The following NBEA variants were observed in gnomAD, a reference collection of about 807,000 sequenced individuals.
NBEA encodes neurobeachin.
A neutral mutation model predicts 343.4 loss-of-function variants in NBEA; 44 were observed. The ratio of observed to expected loss-of-function variants is 0.13; its 90% CI spans 0.10 to 0.16. NBEA has a LOEUF of 0.16. Ranked by LOEUF, NBEA falls within the 10% of genes least tolerant of loss-of-function variation. The probability of loss-of-function intolerance (pLI) is 1.00; values close to 1 mark genes in which losing one functional copy is unlikely to be tolerated. For missense variants in NBEA, 2,555 were observed against 3,631.3 expected (o/e 0.70, Z 7.62); for synonymous variants, 1,175 against 1,238.7 (o/e 0.95, Z 1.08).
At chr13:35,272,557 T>C (rs985117267) in intron 34 of NBEA, among the ~76,000 whole-genome samples, 1 of 152,052 alleles carries the variant, frequency 6.6e-6, no homozygotes, top group African/African-American at 2.4e-5. Context: ...AGACACAGAC[T>C]GGCAAATTGG....
chr13:35,009,228 ACT>A (rs1406306369), intron 1 of NBEA, among the ~76,000 whole-genome samples: 2 of 152,162 alleles, frequency 1.3e-5, no homozygotes, highest in African/African-American at 4.8e-5. Flanking sequence ...AAGCAACAAA[ACT>A]CTCTACTCTC....
At chr13:35,566,353 A>G (rs1255293427) in intron 44 of NBEA, among the ~76,000 whole-genome samples, 5 of 148,340 alleles carry the variant, frequency 3.4e-5, no homozygotes, top group Non-Finnish European at 4.5e-5. Flanking sequence ...AGAGGGAGAC[A>G]CCATCTCAAA....
intron 38 of NBEA, among the ~76,000 whole-genome samples, chr13:35,400,335 A>T (rs1942787058): frequency 6.6e-6 from 1 of 151,796 alleles, no homozygotes; most frequent in South Asian, 2.1e-4. Flanking sequence ...TTATCTATGA[A>T]ATTTGGGTAT....
rs2059062128 is a variant in NBEA, at chr13:34,942,595, G to C, written c.-226G>C. On this transcript the variant is annotated 5_prime_UTR_variant, in exon 1 of 59. Coordinates refer to ENST00000379939, the MANE Select transcript of NBEA (RefSeq NM_001385012.1). ...GCCGCTTGCCCGGCAGCGGTTAGCG[G>C]TACCGCCACCGCCGAGAATAAGCCT... 7.2e-6 allele frequency: 2 copies of C among 275,964 alleles called. No homozygotes were observed. The highest frequency in any genetic ancestry group is 6.5e-5 in the East Asian group (1 of 15,406). 17.1% of individuals were successfully genotyped at this position (275,964 alleles called of 1,614,324 possible). A position where few individuals can be genotyped will look rare whatever the true frequency, so the allele number is the denominator to read the frequency against.
At chr13:34,995,061 C>A (rs2060890896) in intron 1 of NBEA, among the ~76,000 whole-genome samples, 1 of 152,148 alleles carries the variant, frequency 6.6e-6, no homozygotes, top group African/African-American at 2.4e-5. Context: ...TCTCTCTGCC[C>A]CGACCTTCTG....
At chr13:35,124,620 A>G (rs1359642197) in intron 17 of NBEA, among the ~76,000 whole-genome samples, 2 of 144,482 alleles carry the variant, frequency 1.4e-5, no homozygotes, top group Non-Finnish European at 3.1e-5. Context: ...ATACATATAT[A>G]TGGATATACA....
chr13:35,023,484 G>A (rs918718402), intron 1 of NBEA, among the ~76,000 whole-genome samples: 4 of 151,968 alleles, frequency 2.6e-5, no homozygotes, highest in Admixed American at 6.6e-5. Context: ...AGCTATAGTA[G>A]ATCCTATAAA....
intron 6 of NBEA, among the ~76,000 whole-genome samples, chr13:35,051,777 A>G (rs2063073497): frequency 6.6e-6 from 1 of 152,062 alleles, no homozygotes; most frequent in African/African-American, 2.4e-5. Context: ...GGAATAGATT[A>G]GAAGTACAGT....
At chr13:35,444,774 C>T (rs185264246) in intron 39 of NBEA, among the ~76,000 whole-genome samples, 2 of 152,160 alleles carry the variant, frequency 1.3e-5, no homozygotes, top group African/African-American at 2.4e-5. Flanking sequence ...AGATACTAAA[C>T]ATATTTATAT....
At chr13:34,969,770 CG>C (rs1412963992) in intron 1 of NBEA, among the ~76,000 whole-genome samples, 11 of 150,074 alleles carry the variant, frequency 7.3e-5, no homozygotes, top group East Asian at 3.9e-4. Context: ...ATATATACCA[CG>C]TTTTTTTTTT....
At chr13:35,076,190 G>C (rs2064109289) in intron 10 of NBEA, among the ~76,000 whole-genome samples, 2 of 151,690 alleles carry the variant, frequency 1.3e-5, no homozygotes, top group Admixed American at 6.6e-5. Context: ...AGGTTTTTCG[G>C]AAAGAATATA....
At chr13:35,235,089 G>A (rs1292445765) in intron 34 of NBEA, among the ~76,000 whole-genome samples, 2 of 152,062 alleles carry the variant, frequency 1.3e-5, no homozygotes, top group Non-Finnish European at 2.9e-5. Flanking sequence ...ACCTTCCAAA[G>A]TAGCCTAAAT....
intron 10 of NBEA, among the ~76,000 whole-genome samples, chr13:35,083,812 G>GT (rs1250649548): frequency 2.0e-5 from 3 of 152,074 alleles, no homozygotes; most frequent in East Asian, 3.9e-4. Flanking sequence ...ACCCATCAGT[G>GT]TGCTGTATTC....
chr13:34,977,337 C>CT (rs2060214044), intron 1 of NBEA, among the ~76,000 whole-genome samples: 1 of 148,350 alleles, frequency 6.7e-6, no homozygotes, highest in Non-Finnish European at 1.5e-5. Context: ...GAGATGGAGT[C>CT]TGTCTCTGTC....
In NBEA at chr13:35,322,515, G is replaced by T. The variant is rs192166379; in HGVS notation, c.5903+12923G>T. On this transcript the variant is annotated intron_variant, in intron 36 of 58. Transcript: ENST00000379939. ...TCAGTTGGAAATGCAGAAATCAACC[G>T]CCTTCTGGGTTTATCTCGCTAGGAG... is the stretch of plus-strand genomic sequence containing the variant. Among the ~76,000 whole-genome samples the T allele has an allele frequency of 2.1e-4, 32 of 152,256 alleles. No homozygotes were observed. The East Asian group carries it at 6.2e-3, about 30-fold the overall frequency.
intron 10 of NBEA, among the ~76,000 whole-genome samples, chr13:35,081,524 C>G (rs1284018315): frequency 6.6e-6 from 1 of 150,936 alleles, no homozygotes; most frequent in Non-Finnish European, 1.5e-5. Flanking sequence ...TCAAGATGGG[C>G]AAGCTTTTTT....
At chr13:35,100,770 G>A (rs116868629) in intron 11 of NBEA, among the ~76,000 whole-genome samples, 6,936 of 151,854 alleles carry the variant, frequency 0.046, 236 homozygotes, top group Non-Finnish European at 0.067. Flanking sequence ...CCTAGATTTC[G>A]AATAAGATTA....
At chr13:35,450,895 A>C (rs1443708998) in intron 39 of NBEA, among the ~76,000 whole-genome samples, 1 of 152,204 alleles carries the variant, frequency 6.6e-6, no homozygotes, top group Non-Finnish European at 1.5e-5. Flanking sequence ...TGGTGTATGC[A>C]TGTATAAAAT....
rs1045676423 is a variant in NBEA at position 35,056,194 on chromosome 13, G to A, written c.1092+65G>A. 5 of 1,267,188 alleles carry A rather than the reference G, an allele frequency of 3.9e-6. No homozygotes were observed. In the African/African-American group the frequency reaches 4.6e-5, roughly 12 times the overall value. 78.5% of individuals were successfully genotyped at this position (1,267,188 alleles called of 1,614,324 possible). On this transcript the variant is annotated intron_variant, in intron 7 of 58. Transcript: ENST00000379939. ...GGAGTATGATCTATCATTACAATAT[G>A]AATTAAATAATAAAATAGTTTGGTA...
Sources: allele counts gnomAD v4.1 joint callset (sites outside exome capture counted in the v4.1 genomes callset), GRCh38; gene constraint gnomAD v4.1.1; transcripts MANE v1.5; gene names NCBI Gene and HGNC (gene_info 2026-07-23, HGNC 2026-07-21).